Variants in HSD17B8 observed in about 807,000 individuals in gnomAD.
HSD17B8 encodes the protein (3R)-3-hydroxyacyl-CoA dehydrogenase.
A neutral mutation model predicts 33.2 loss-of-function variants in HSD17B8; 23 were observed. The ratio of observed to expected loss-of-function variants is 0.69; its 90% confidence interval spans 0.50 to 0.98. HSD17B8 has a LOEUF of 0.98. Among genes scored for constraint, HSD17B8 ranks in the 50% least tolerant of loss-of-function variants. The probability of loss-of-function intolerance (pLI) is 0.00; values close to 1 mark genes in which losing one functional copy is unlikely to be tolerated. For missense variants in HSD17B8, 345 were observed against 347.5 expected, an observed-to-expected ratio of 0.99 and a Z score of 0.06; for synonymous variants, 137 against 138.6, an observed-to-expected ratio of 0.99 and a Z score of 0.08.
chr6:33,206,496 G>A lies in HSD17B8; in HGVS notation c.769+47G>A. The A allele has an allele frequency of 6.3e-7, 1 of 1,583,138 alleles. No homozygotes were observed. The highest frequency in any genetic ancestry group is 8.7e-7 in the Non-Finnish European group (1 of 1,152,066). ...GGAGAGGGCAGAGAAGTAGAACCCA[G>A]ACTATATGAGAAAGCAAGTAAGGGG... On this transcript the variant is annotated intron_variant, in intron 8 of 8. Transcript: ENST00000374662. The surrounding 1 kb of genome is among the most constrained non-coding windows in gnomAD (Gnocchi z 6.2).
rs368394952 is a variant in HSD17B8 at position 33,204,960 on chromosome 6, C to T, written c.111C>T (p.Thr37=). ...VSVRLAGEGA[T]VAACDLDRAA... ...TACGCCTGGCCGGAGAGGGGGCCAC[C>T]GTAGCTGCCTGCGACCTGGACCGGG... The change falls in exon 2 of 9, where the codon ACC becomes ACT. Residue 37 remains threonine, a synonymous_variant. Transcript: ENST00000374662. 1,277 of 1,467,098 alleles carry T rather than the reference C, an allele frequency of 8.7e-4. 15 individuals carry two copies. The African/African-American group carries it at 0.016, about 19-fold the overall frequency. 90.9% of individuals were successfully genotyped at this position (1,467,098 alleles called of 1,614,324 possible). A position where few individuals can be genotyped will look rare whatever the true frequency, so the allele number is the denominator to read the frequency against.
At position 33,206,067 on chromosome 6, in the gene HSD17B8, G is replaced by A. The variant is rs1297684234; in HGVS notation, c.652-67G>A. 3.2e-6 allele frequency: 5 copies of A among 1,547,824 alleles called. No homozygotes were observed. The highest frequency in any genetic ancestry group is 4.4e-6 in the Non-Finnish European group (5 of 1,127,422). On this transcript the variant is annotated intron_variant, in intron 6 of 8. Coordinates refer to ENST00000374662, the MANE Select transcript of HSD17B8 (RefSeq NM_014234.5). The surrounding 1 kb of genome is among the most constrained non-coding windows in gnomAD (Gnocchi z 6.2). ...GTATGAGAAATGAAGACAAAAAAGG[G>A]TCACAGACTCAGTCTTCAAAAAAAT...
chr6:33,205,249 T>C lies in HSD17B8; in HGVS notation c.299T>C (p.Val100Ala). ...TGCTTTTCTCGCCCACCATCTGTCG[T>C]TGTGTCCTGTGCGGGCATCACCCAG... ...QACFSRPPSV[V>A]VSCAGITQDE... is the part of the protein sequence containing the mutation. Residue 100 changes from valine (V) to alanine (A), a missense_variant, in exon 3 of 9, where the codon GTT (valine) becomes GCT (alanine). Physicochemically the swap from Val to Ala is moderately conservative, Grantham distance 64 (BLOSUM62 0). Coordinates refer to ENST00000374662, the MANE Select transcript of HSD17B8 (RefSeq NM_014234.5). The surrounding 1 kb of genome is among the most constrained non-coding windows in gnomAD (Gnocchi z 5.0). The C allele has an allele frequency of 6.2e-7, 1 of 1,612,588 alleles. No individual in the cohort carries two copies. The highest frequency in any genetic ancestry group is 8.5e-7 in the Non-Finnish European group (1 of 1,180,004).
Position 33,205,148 on chromosome 6 carries a change from A to G in HSD17B8, c.270+29A>G. 6.3e-7 allele frequency: 1 copy of G among 1,593,300 alleles called. No individual in the cohort carries two copies. Among genetic ancestry groups the G allele is most frequent in the Non-Finnish European group, 8.6e-7 (1 of 1,168,470 alleles). ...AACGCTAGGCCACTTTCCCCCTCTAAAGCTCTGATATTGCCTCCACTGCCC... is the reference window on the plus strand; with the variant it reads ...AACGCTAGGCCACTTTCCCCCTCTAGAGCTCTGATATTGCCTCCACTGCCC... On this transcript the variant is annotated intron_variant, in intron 2 of 8. Coordinates refer to ENST00000374662, the MANE Select transcript of HSD17B8 (RefSeq NM_014234.5). This position sits in a 1 kb window ranked among gnomAD's most constrained non-coding sequence, Gnocchi z 5.0.
rs373903352 is a variant in HSD17B8 at position 33,204,673 on chromosome 6, C to A, written c.5C>A (p.Ala2Glu). ...CCCACCCACCCACAGCCCGCCATGG[C>A]GTCTCAGCTCCAGAACCGACTCCGC... M[A>E]SQLQNRLRSA... is the part of the protein sequence containing the mutation. The change falls in exon 1 of 9, where the codon GCG (alanine) becomes GAG (glutamate). Residue 2 changes from alanine (A) to glutamate (E), a missense_variant. By Grantham distance (107) the Ala-to-Glu change is moderately radical. Coordinates refer to ENST00000374662, the MANE Select transcript of HSD17B8 (RefSeq NM_014234.5). The A allele has an allele frequency of 1.9e-6, 3 of 1,612,560 alleles. No individual in the cohort carries two copies.
At position 33,204,673 on chromosome 6, in the gene HSD17B8, C is replaced by T; in HGVS notation, c.5C>T (p.Ala2Val). M[A>V]SQLQNRLRSA... Reference sequence around the variant, plus strand: ...CCCACCCACCCACAGCCCGCCATGGCGTCTCAGCTCCAGAACCGACTCCGC... The same window carrying T: ...CCCACCCACCCACAGCCCGCCATGGTGTCTCAGCTCCAGAACCGACTCCGC... The change falls in exon 1 of 9, where the codon GCG (alanine) becomes GTG (valine). Residue 2 changes from alanine to valine, a missense_variant. Transcript: ENST00000374662. 6.2e-7 allele frequency: 1 copy of T among 1,612,678 alleles called. No homozygotes were observed. The highest frequency in any genetic ancestry group is 8.5e-7 in the Non-Finnish European group (1 of 1,179,812).
rs1432757295 is a variant in HSD17B8 at position 33,205,082 on chromosome 6, A to C, written c.233A>C (p.Glu78Ala). The C allele has an allele frequency of 5.1e-6, 8 of 1,564,666 alleles. No homozygotes were observed. The highest frequency in any genetic ancestry group is 6.9e-6 in the Non-Finnish European group (8 of 1,155,454). Reference sequence around the variant, plus strand: ...GCTGCCTTCCAGGCTGACGTGTCTGAGGCCAGGGCCGCCAGGTGCCTGCTG... The same window carrying C: ...GCTGCCTTCCAGGCTGACGTGTCTGCGGCCAGGGCCGCCAGGTGCCTGCTG... ...NHAAFQADVS[E>A]ARAARCLLEQ... Residue 78 changes from glutamate (E) to alanine (A), a missense_variant, in exon 2 of 9, where the codon GAG (glutamate) becomes GCG (alanine). Coordinates refer to ENST00000374662, the MANE Select transcript of HSD17B8 (RefSeq NM_014234.5). The surrounding 1 kb of genome is among the most constrained non-coding windows in gnomAD (Gnocchi z 5.0).
At chr6:33,204,776 T>C in intron 1 of HSD17B8, 56 bp downstream of exon 1, 1 of 1,606,094 alleles carries the variant, frequency 6.2e-7, no homozygotes, top group Non-Finnish European at 8.5e-7. Flanking sequence ...GTCAGGGGCG[T>C]GCCCTTGGAG....
Position 33,205,099 on chromosome 6 carries a change from T to G in HSD17B8, c.250T>G (p.Cys84Gly). Residue 84 changes from cysteine to glycine, a missense_variant, in exon 2 of 9, where the codon TGC becomes GGC. Transcript: ENST00000374662. This position sits in a 1 kb window ranked among gnomAD's most constrained non-coding sequence, Gnocchi z 5.0. Reference sequence around the variant, plus strand: ...CGTGTCTGAGGCCAGGGCCGCCAGGTGCCTGCTGGAACAAGTGCAGGTGAA... The same window carrying G: ...CGTGTCTGAGGCCAGGGCCGCCAGGGGCCTGCTGGAACAAGTGCAGGTGAA... ...ADVSEARAARCLLEQVQACFS... is the reference protein window; with the variant it reads ...ADVSEARAARGLLEQVQACFS... 6.4e-7 allele frequency: 1 copy of G among 1,566,230 alleles called. No individual in the cohort carries two copies. Among genetic ancestry groups the G allele is most frequent in the Non-Finnish European group, 8.7e-7 (1 of 1,155,520 alleles).
In HSD17B8 at chr6:33,205,845, ACT is replaced by A. The variant is rs767476405; in HGVS notation, c.587_588del (p.Ser196CysfsTer24). The A allele has an allele frequency of 6.2e-7, 1 of 1,612,882 alleles. No homozygotes were observed. The highest frequency in any genetic ancestry group is 2.2e-5 in the East Asian group (1 of 44,882). ...TCCCACAGACATGGGATCCGCTGTA[ACT>A]CTGTCCTCCCAGGGTTCATTGCAAC... On this transcript the variant is annotated frameshift_variant, in exon 6 of 9. Coordinates refer to ENST00000374662, the MANE Select transcript of HSD17B8 (RefSeq NM_014234.5). LOFTEE classifies it high-confidence loss of function. The surrounding 1 kb of genome is among the most constrained non-coding windows in gnomAD (Gnocchi z 5.0).
chr6:33,204,717 A>G lies in HSD17B8; in HGVS notation c.49A>G (p.Thr17Ala), dbSNP rs2150690933. ...NRLRSALALV[T>A]GAGSGIGRAV... ...ACTCCGCTCCGCACTGGCCTTGGTC[A>G]CAGGTTGAGGGGGTTCTTTCCCCGG... Residue 17 changes from threonine to alanine, a missense_variant, in exon 1 of 9, where the codon ACA becomes GCA. By Grantham distance (58) the Thr-to-Ala change is moderately conservative (BLOSUM62 0). Coordinates refer to ENST00000374662, the MANE Select transcript of HSD17B8 (RefSeq NM_014234.5). 3 of 1,612,872 alleles carry G rather than the reference A, an allele frequency of 1.9e-6. No individual in the cohort carries two copies. Among genetic ancestry groups the G allele is most frequent in the Non-Finnish European group, 2.5e-6 (3 of 1,179,946 alleles).
At position 33,206,255 on chromosome 6, in the gene HSD17B8, G is replaced by A. The variant is rs1775055534; in HGVS notation, c.694+79G>A. 3.2e-6 allele frequency: 5 copies of A among 1,565,378 alleles called. No homozygotes were observed. Among genetic ancestry groups the A allele is most frequent in the South Asian group, 1.1e-5 (1 of 89,976 alleles). On this transcript the variant is annotated intron_variant, in intron 7 of 8. Transcript: ENST00000374662. This position sits in a 1 kb window ranked among gnomAD's most constrained non-coding sequence, Gnocchi z 6.2. ...CCCAAAGTTTGGGGATTTTCTAGGG[G>A]ACTGGTGGTTGGTGTCTGTGGAGAG...
Position 33,206,040 on chromosome 6 carries a change from A to T in HSD17B8, c.652-94A>T. 2 of 1,462,156 alleles carry T rather than the reference A, an allele frequency of 1.4e-6. No homozygotes were observed. Among genetic ancestry groups the T allele is most frequent in the South Asian group, 2.3e-5 (2 of 86,176 alleles). The allele number at this position is 1,462,156 out of a possible 1,614,324, so 90.6% of individuals were successfully genotyped here. ...CTGGCAAACATTAAATATTCAATGA[A>T]TGTATGAGAAATGAAGACAAAAAAG... On this transcript the variant is annotated intron_variant, in intron 6 of 8. Transcript: ENST00000374662. This position sits in a 1 kb window ranked among gnomAD's most constrained non-coding sequence, Gnocchi z 6.2.
chr6:33,205,654 GCAGA>G lies in HSD17B8; in HGVS notation c.498_501del (p.Asn168MetfsTer8), dbSNP rs762898668. On this transcript the variant is annotated frameshift_variant, in exon 5 of 9. Transcript: ENST00000374662. LOFTEE classifies it high-confidence loss of function. The surrounding 1 kb of genome is among the most constrained non-coding windows in gnomAD (Gnocchi z 5.0). ...CTCACCTATAGGTGGGGAACGTGGG[GCAGA>G]CAAACTATGCAGCATCCAAGGCTGG... The G allele has an allele frequency of 2.8e-5, 45 of 1,612,942 alleles. No homozygotes were observed. Among genetic ancestry groups the G allele is most frequent in the Non-Finnish European group, 1.7e-6 (2 of 1,180,018 alleles).
Position 33,206,825 on chromosome 6 carries a change from C to A in HSD17B8, c.*171C>A. 1 of 681,602 alleles carries A rather than the reference C, an allele frequency of 1.5e-6. No homozygotes were observed. Among genetic ancestry groups the A allele is most frequent in the Non-Finnish European group, 2.6e-6 (1 of 380,926 alleles). The allele number at this position is 681,602 out of a possible 1,614,324, so 42.2% of individuals were successfully genotyped here. The stretch of plus-strand genomic sequence containing the variant: ...CCCTAATAAATTCCAAGTCCTCTTC[C>A]CTGCCACCTCCGGCTCTTCTTGTGT... On this transcript the variant is annotated 3_prime_UTR_variant, in exon 9 of 9. Transcript: ENST00000374662. The surrounding 1 kb of genome is among the most constrained non-coding windows in gnomAD (Gnocchi z 6.2).
rs1049691085 is a variant in HSD17B8 at position 33,206,190 on chromosome 6, G to A, written c.694+14G>A. The stretch of plus-strand genomic sequence containing the variant: ...GGGACCCTGAGGGTGAGCACTGAAT[G>A]TAGTGGGGTCCCTGGGAAGGGGGCC... On this transcript the variant is annotated intron_variant, in intron 7 of 8. Coordinates refer to ENST00000374662, the MANE Select transcript of HSD17B8 (RefSeq NM_014234.5). The surrounding 1 kb of genome is among the most constrained non-coding windows in gnomAD (Gnocchi z 6.2). The A allele has an allele frequency of 1.9e-6, 3 of 1,612,056 alleles. No homozygotes were observed. The highest frequency in any genetic ancestry group is 2.5e-6 in the Non-Finnish European group (3 of 1,179,256).
chr6:33,204,940 C>G lies in HSD17B8; in HGVS notation c.91C>G (p.Leu31Val). The G allele has an allele frequency of 6.8e-7, 1 of 1,464,906 alleles. No homozygotes were observed. Among genetic ancestry groups the G allele is most frequent in the Non-Finnish European group, 9.0e-7 (1 of 1,111,822 alleles). The allele number at this position is 1,464,906 out of a possible 1,614,324, so 90.7% of individuals were successfully genotyped here. ...SGIGRAVSVRLAGEGATVAAC... is the reference protein window; with the variant it reads ...SGIGRAVSVRVAGEGATVAAC... ...CATCGGCCGAGCGGTCAGTGTACGC[C>G]TGGCCGGAGAGGGGGCCACCGTAGC... The change falls in exon 2 of 9, where the codon CTG becomes GTG. Residue 31 changes from leucine to valine, a missense_variant. Coordinates refer to ENST00000374662, the MANE Select transcript of HSD17B8 (RefSeq NM_014234.5).
chr6:33,205,971 C>CAGACAG lies in HSD17B8; in HGVS notation c.651+62_651+63insCAGAGA. 1 of 1,101,802 alleles carries CAGACAG rather than the reference C, an allele frequency of 9.1e-7. No individual in the cohort carries two copies. Among genetic ancestry groups the CAGACAG allele is most frequent in the Non-Finnish European group, 1.4e-6 (1 of 732,590 alleles). 68.3% of individuals were successfully genotyped at this position (1,101,802 alleles called of 1,614,324 possible). On this transcript the variant is annotated intron_variant, in intron 6 of 8. Transcript: ENST00000374662. This position sits in a 1 kb window ranked among gnomAD's most constrained non-coding sequence, Gnocchi z 5.0. The stretch of plus-strand genomic sequence containing the variant: ...AGAGACTCAATCTCTCTGGGCTTCA[C>CAGACAG]AGAGAGAGAGAGAGAGAGAGAGAGA...
At position 33,205,084 on chromosome 6, in the gene HSD17B8, G is replaced by A; in HGVS notation, c.235G>A (p.Ala79Thr). The A allele has an allele frequency of 6.4e-7, 1 of 1,565,624 alleles. No homozygotes were observed. ...TGCCTTCCAGGCTGACGTGTCTGAG[G>A]CCAGGGCCGCCAGGTGCCTGCTGGA... Reference protein sequence around the residue: ...HAAFQADVSEARAARCLLEQV... With the variant: ...HAAFQADVSETRAARCLLEQV... The change falls in exon 2 of 9, where the codon GCC (alanine) becomes ACC (threonine). Residue 79 changes from alanine to threonine, a missense_variant. Coordinates refer to ENST00000374662, the MANE Select transcript of HSD17B8 (RefSeq NM_014234.5). This position sits in a 1 kb window ranked among gnomAD's most constrained non-coding sequence, Gnocchi z 5.0.
Sources: gnomAD v4.1 joint callset for allele counts on GRCh38, gnomAD v4.1.1 for gene constraint, Gnocchi (gnomAD v3.1) non-coding constraint, MANE v1.5 for transcripts, NCBI Gene and HGNC (gene_info 2026-07-23, HGNC 2026-07-21) for gene names.